Variants in SEMA3A observed in about 807,000 individuals in gnomAD.
The protein encoded by SEMA3A is semaphorin-3A.
In SEMA3A, 29 loss-of-function variants were observed where a neutral mutation model predicts 97.9. That is an observed-to-expected ratio of 0.30 (90% CI 0.22 to 0.40). The LOEUF is 0.40. Among genes scored for constraint, SEMA3A ranks in the 10% least tolerant of loss-of-function variants. The pLI is 1.00. For synonymous variants in SEMA3A, 321 were observed against 323.7 expected (o/e 0.99, Z 0.09); for missense variants, 763 against 951.3 (o/e 0.80, Z 2.60).
Position 84,417,491 on chromosome 7 carries a change from G to A in SEMA3A, c.-245-45591C>T, listed in dbSNP as rs137946825. Among the ~76,000 whole-genome samples the A allele has an allele frequency of 8.5e-4, 130 of 152,068 alleles. 1 individual carries two copies. The highest frequency in any genetic ancestry group is 2.9e-3 in the African/African-American group (121 of 41,522). ...TTTCTTCACCAAAAATTTATGACGC[G>A]TTTGTTTCCATATAACATCAATGAC... is the stretch of plus-strand genomic sequence containing the variant. On this transcript the variant is annotated intron_variant, in intron 1 of 3. Transcript: ENST00000424555.
At position 84,321,872 on chromosome 7, in the gene SEMA3A, G is replaced by GAAAAAAAAAAAAAAAAA. The variant is rs1156548285; in HGVS notation, c.-168-14597_-168-14581dup. ...GCCTGGCCGACAGAGCGAGACTACGGAAAAAAAAAAAAAAAAAAAAAAAAA... is the reference window on the plus strand; with the variant it reads ...GCCTGGCCGACAGAGCGAGACTACGGAAAAAAAAAAAAAAAAAAAAAAAAAAAAAAAAAAAAAAAAAA... On this transcript the variant is annotated intron_variant, in intron 2 of 3. Coordinates refer to the SEMA3A transcript ENST00000424555. Among the ~76,000 whole-genome samples the GAAAAAAAAAAAAAAAAA allele has an allele frequency of 5.0e-4, 6 of 12,032 alleles. No homozygotes were observed. In the East Asian group the frequency reaches 9.2e-3, roughly 18 times the overall value. The allele number at this position is 12,032 out of a possible 152,430, so 7.9% of individuals were successfully genotyped here.
Position 84,099,148 on chromosome 7 carries a change from GCAAGCTCCGCCTCCCGGGTTCACGCC to G in SEMA3A, c.453+11296_453+11321del, listed in dbSNP as rs1194096223. Among the ~76,000 whole-genome samples the G allele has an allele frequency of 9.5e-5, 5 of 52,558 alleles. 2 individuals are homozygous for G. Among genetic ancestry groups the G allele is most frequent in the Non-Finnish European group, 3.0e-4 (5 of 16,860 alleles). The allele number at this position is 52,558 out of a possible 152,430, so 34.5% of individuals were successfully genotyped here. A position where few individuals can be genotyped will look rare whatever the true frequency, so the allele number is the denominator to read the frequency against. ...TGCAGTGGCGCGATCTCGGCTCACT[GCAAGCTCCGCCTCCCGGGTTCACGCC>G]ATTCTCCTGCCTCAGCCTCCCGAGT... On this transcript the variant is annotated intron_variant, in intron 4 of 16. Coordinates refer to ENST00000265362, the MANE Select transcript of SEMA3A (RefSeq NM_006080.3).
chr7:84,215,505 T>C (rs1017343149), intron 3 of SEMA3A, among the ~76,000 whole-genome samples: 2 of 152,242 alleles, frequency 1.3e-5, no homozygotes, highest in African/African-American at 4.8e-5. Flanking sequence ...CTTACTCATT[T>C]TGAATAAGAC....
chr7:84,334,694 T>G (rs1373961744), intron 2 of SEMA3A, among the ~76,000 whole-genome samples: 4 of 147,376 alleles, frequency 2.7e-5, no homozygotes, highest in African/African-American at 1.0e-4. Context: ...AATCCTCCCT[T>G]TTACTACCTC....
At chr7:83,990,002 T>C (rs912644096) in intron 12 of SEMA3A, among the ~76,000 whole-genome samples, 2 of 152,020 alleles carry the variant, frequency 1.3e-5, no homozygotes, top group Non-Finnish European at 2.9e-5. Flanking sequence ...TTTTTAATGA[T>C]TGTCATTCTA....
chr7:84,337,736 C>G (rs984420917), intron 2 of SEMA3A, among the ~76,000 whole-genome samples: 6 of 152,082 alleles, frequency 3.9e-5, no homozygotes, highest in Middle Eastern at 3.2e-3. Context: ...CTTTGTGCAG[C>G]TGGGGTTTGA....
intron 3 of SEMA3A, among the ~76,000 whole-genome samples, chr7:84,266,331 A>G (rs967582612): frequency 2.7e-4 from 41 of 151,490 alleles, no homozygotes; most frequent in African/African-American, 7.7e-4. Context: ...AAAAAAAAAA[A>G]AAAAAAGAAA....
At chr7:84,412,797 T>C (rs921719805) in intron 1 of SEMA3A, among the ~76,000 whole-genome samples, 2 of 152,178 alleles carry the variant, frequency 1.3e-5, no homozygotes, top group Non-Finnish European at 2.9e-5. Flanking sequence ...GCAAACACTA[T>C]GGTTGAGTCA....
At chr7:84,417,637 T>C (rs1055985786) in intron 1 of SEMA3A, among the ~76,000 whole-genome samples, 1 of 152,234 alleles carries the variant, frequency 6.6e-6, no homozygotes, top group African/African-American at 2.4e-5. Context: ...AATTACTAAT[T>C]TTAAAAATGA....
At chr7:84,025,528 T>C (rs577458223) in intron 6 of SEMA3A, among the ~76,000 whole-genome samples, 4 of 152,286 alleles carry the variant, frequency 2.6e-5, no homozygotes, top group East Asian at 1.9e-4. Flanking sequence ...AGAGGAGATA[T>C]ATCATTTTTG....
chr7:84,490,087 C>T (rs749828470), intron 1 of SEMA3A, among the ~76,000 whole-genome samples: 2 of 148,632 alleles, frequency 1.3e-5, no homozygotes, highest in Non-Finnish European at 3.0e-5. Context: ...TTAAGGACCA[C>T]ATAATTTATT....
chr7:84,060,088 G>C (rs1299862343), intron 5 of SEMA3A, among the ~76,000 whole-genome samples: 4 of 152,132 alleles, frequency 2.6e-5, no homozygotes, highest in Non-Finnish European at 5.9e-5. Flanking sequence ...CAAAAAAGAA[G>C]AGCTAATTTC....
chr7:84,144,620 C>G (rs1796411016), intron 1 of SEMA3A, among the ~76,000 whole-genome samples: 1 of 152,100 alleles, frequency 6.6e-6, no homozygotes, highest in Admixed American at 6.6e-5. Context: ...CATACTTGTT[C>G]AAAACAGCAT....
intron 13 of SEMA3A, among the ~76,000 whole-genome samples, chr7:83,982,994 ATAT>A (rs994496097): frequency 1.3e-5 from 2 of 152,024 alleles, no homozygotes; most frequent in Non-Finnish European, 2.9e-5. Context: ...ATCTTCATTA[ATAT>A]TATTATTCCA....
intron 6 of SEMA3A, among the ~76,000 whole-genome samples, chr7:84,033,765 A>G (rs747770646): frequency 6.6e-6 from 1 of 152,142 alleles, no homozygotes; most frequent in Non-Finnish European, 1.5e-5. Context: ...CTTGATAGGT[A>G]CAGATTCTCA....
Position 84,194,760 on chromosome 7 carries a change from G to T in SEMA3A, c.-174C>A. The T allele has an allele frequency of 2.9e-6, 1 of 344,972 alleles. No individual in the cohort carries two copies. Among genetic ancestry groups the T allele is most frequent in the Non-Finnish European group, 5.2e-6 (1 of 193,702 alleles). The allele number at this position is 344,972 out of a possible 1,614,324, so 21.4% of individuals were successfully genotyped here. On this transcript the variant is annotated 5_prime_UTR_variant, in exon 1 of 17. In the 5' UTR this introduces an upstream ATG that the reference lacks. Transcript: ENST00000265362. ...CACTAACACCTCTTCTTCTGTAACA[G>T]TCACTGAAGCACAGAAACTTCAAAC... is the stretch of plus-strand genomic sequence containing the variant.
At chr7:84,294,484 A>T (rs1800823990) in intron 3 of SEMA3A, among the ~76,000 whole-genome samples, 1 of 152,056 alleles carries the variant, frequency 6.6e-6, no homozygotes, top group Non-Finnish European at 1.5e-5. Flanking sequence ...TTATCACCAT[A>T]ATAAAATAAA....
At chr7:84,186,393 T>C (rs1420396591) in intron 1 of SEMA3A, among the ~76,000 whole-genome samples, 1 of 152,176 alleles carries the variant, frequency 6.6e-6, no homozygotes, top group Non-Finnish European at 1.5e-5. Context: ...CTTTTGTAAA[T>C]AAAGTTTGCA....
intron 1 of SEMA3A, among the ~76,000 whole-genome samples, chr7:84,380,453 G>A (rs1803229314): frequency 6.6e-6 from 1 of 152,152 alleles, no homozygotes; most frequent in African/African-American, 2.4e-5. Flanking sequence ...AAAACTCTGA[G>A]TACTATTCAG....
Sources: allele counts gnomAD v4.1 joint callset (sites outside exome capture counted in the v4.1 genomes callset), GRCh38; gene constraint gnomAD v4.1.1; transcripts MANE v1.5; gene names NCBI Gene and HGNC (gene_info 2026-07-23, HGNC 2026-07-21).